The following DNAI1 variants were observed in gnomAD, a reference collection of about 807,000 sequenced individuals.
DNAI1 encodes the protein dynein, axonemal, intermediate polypeptide 1.
DNAI1 carries 67 observed loss-of-function variants against 92.0 expected under a neutral mutation model. The ratio of observed to expected loss-of-function variants is 0.73; its 90% CI spans 0.60 to 0.89. The LOEUF (loss-of-function observed/expected upper bound fraction) is 0.89. Among genes scored for constraint, DNAI1 ranks in the 40% least tolerant of loss-of-function variants. DNAI1 has a pLI of 0.00. For synonymous variants in DNAI1, 323 were observed against 319.6 expected (o/e 1.01, Z -0.11); for missense variants, 839 against 866.6 (o/e 0.97, Z 0.40).
At chr9:34,484,846 T>C (rs748263162) in intron 2 of DNAI1, among the ~76,000 whole-genome samples, 7 of 152,322 alleles carry the variant, frequency 4.6e-5, no homozygotes, top group South Asian at 2.1e-4. Context: ...CAGAAGGCAG[T>C]AGGGAGGAAC....
chr9:34,504,749 C>T (rs1824892766), intron 12 of DNAI1, among the ~76,000 whole-genome samples: 1 of 152,232 alleles, frequency 6.6e-6, no homozygotes, highest in Non-Finnish European at 1.5e-5. Context: ...GGCCTCTGGG[C>T]CATGCTTGAG....
At chr9:34,512,298 C>T (rs779479918) in intron 14 of DNAI1, 39 bp from the exon 15 acceptor site, 48 of 1,612,062 alleles carry the variant, frequency 3.0e-5, no homozygotes, top group Middle Eastern at 3.3e-4. Flanking sequence ...GCCCAACCCA[C>T]GTGCCCTCCC....
At position 34,514,462 on chromosome 9, in the gene DNAI1, G is replaced by T. The variant is rs1825132822; in HGVS notation, c.1638G>T (p.Val546=). 1 of 1,614,202 alleles carries T rather than the reference G, an allele frequency of 6.2e-7. No individual in the cohort carries two copies. Among genetic ancestry groups the T allele is most frequent in the South Asian group, 1.1e-5 (1 of 91,086 alleles). The change falls in exon 17 of 20, where the codon GTG becomes GTT. Residue 546 remains valine (V), a synonymous_variant. Transcript: ENST00000242317. ...YDAHNMSVDT[V]SWNPYHTKVF... ...CCCACAACATGTCAGTGGACACTGT[G>T]TCCTGGAACCCATACCACACCAAGG...
intron 1 of DNAI1, 133 bp downstream of exon 1, chr9:34,459,186 T>A: frequency 1.2e-6 from 1 of 858,590 alleles, no homozygotes; most frequent in Non-Finnish European, 1.9e-6. Flanking sequence ...TGACCTCTGG[T>A]AAGTGCTCCC....
chr9:34,520,207 C>G (rs1267902006), intron 19 of DNAI1, among the ~76,000 whole-genome samples: 3 of 152,178 alleles, frequency 2.0e-5, no homozygotes, highest in African/African-American at 7.2e-5. Context: ...GTCCGGGCCC[C>G]TGAGGCTCTG....
intron 1 of DNAI1, among the ~76,000 whole-genome samples, chr9:34,480,066 A>G (rs1005323959): frequency 6.6e-6 from 1 of 152,174 alleles, no homozygotes; most frequent in Non-Finnish European, 1.5e-5. Context: ...AGCTGGAAGC[A>G]GGGGTTCCTT....
At chr9:34,497,403 G>A (rs1824748531) in intron 10 of DNAI1, among the ~76,000 whole-genome samples, 1 of 152,220 alleles carries the variant, frequency 6.6e-6, no homozygotes, top group South Asian at 2.1e-4. Flanking sequence ...TGTGTATACT[G>A]ATGAGATCTG....
intron 8 of DNAI1, 90 bp from the exon 9 acceptor site, chr9:34,493,104 G>C: frequency 6.3e-7 from 1 of 1,579,434 alleles, no homozygotes; most frequent in African/African-American, 1.3e-5. Context: ...GGGTTAACAT[G>C]ACCAATTCCT....
intron 13 of DNAI1, among the ~76,000 whole-genome samples, chr9:34,507,820 A>G (rs543746148): frequency 1.3e-4 from 20 of 151,936 alleles, no homozygotes; most frequent in South Asian, 8.3e-4. Flanking sequence ...TCTCTGTAGC[A>G]CCCCCTCTTC....
At chr9:34,489,289 G>C in intron 4 of DNAI1, 34 bp from the exon 5 acceptor site, 1 of 1,613,120 alleles carries the variant, frequency 6.2e-7, no homozygotes, top group Non-Finnish European at 8.5e-7. Flanking sequence ...CTCTTTTAGG[G>C]ATCCCTGGTC....
At position 34,493,233 on chromosome 9, in the gene DNAI1, C is replaced by G; in HGVS notation, c.721C>G (p.Gln241Glu). Residue 241 changes from glutamine (Q) to glutamate (E), a missense_variant, in exon 9 of 20, where the codon CAG becomes GAG. Physicochemically the swap from Gln to Glu is conservative, Grantham distance 29. Transcript: ENST00000242317. ...YDAYVEELEK[Q>E]EKTKEKEKAK... ...TGCCTATGTAGAGGAACTTGAGAAG[C>G]AGGAAAAGACCAAAGAGAAGGAGAA... The G allele has an allele frequency of 6.2e-7, 1 of 1,614,122 alleles. No individual in the cohort carries two copies. The highest frequency in any genetic ancestry group is 8.5e-7 in the Non-Finnish European group (1 of 1,180,032).
rs759795923 is a variant in DNAI1 at position 34,512,201 on chromosome 9, G to A, written c.1401+3G>A. The A allele has an allele frequency of 2.0e-5, 33 of 1,613,974 alleles. No individual in the cohort carries two copies. Among genetic ancestry groups the A allele is most frequent in the Middle Eastern group, 1.6e-4 (1 of 6,084 alleles). On this transcript the variant is annotated splice_donor_region_variant and intron_variant, in intron 14 of 19. Transcript: ENST00000242317. ...TTGTGTCTTGGACTCTCGTGAAGGT[G>A]CCTATTTCCCAGAGAGGGTCACACT... is the stretch of plus-strand genomic sequence containing the variant.
chr9:34,492,569 G>A (rs542897198), intron 8 of DNAI1, among the ~76,000 whole-genome samples: 1 of 134,816 alleles, frequency 7.4e-6, no homozygotes, highest in African/African-American at 2.8e-5. Context: ...ACCCAGGCTG[G>A]AGTGCAGTGG....
chr9:34,461,741 G>T (rs937075321), intron 1 of DNAI1, among the ~76,000 whole-genome samples: 4 of 152,212 alleles, frequency 2.6e-5, no homozygotes, highest in African/African-American at 9.7e-5. Flanking sequence ...GTGAGAAAAG[G>T]TTAGGTTGTG....
chr9:34,512,707 CCT>C (rs148324629), intron 15 of DNAI1, among the ~76,000 whole-genome samples: 70 of 152,348 alleles, frequency 4.6e-4, no homozygotes, highest in South Asian at 3.1e-3. Context: ...AGATCAGGCC[CCT>C]GTTTACCCAG....
intron 4 of DNAI1, 97 bp downstream of exon 4, chr9:34,485,614 A>G (rs1824454976): frequency 8.4e-7 from 1 of 1,192,852 alleles, no homozygotes; most frequent in Non-Finnish European, 1.2e-6. Context: ...ATTCTAGAGG[A>G]GAGCACTTTT....
chr9:34,462,916 C>T (rs1042532266), intron 1 of DNAI1, among the ~76,000 whole-genome samples: 2 of 152,184 alleles, frequency 1.3e-5, no homozygotes, highest in African/African-American at 2.4e-5. Context: ...ACAAAAATCC[C>T]TGCTCTCATG....
At chr9:34,467,346 C>T (rs965308818) in intron 1 of DNAI1, among the ~76,000 whole-genome samples, 1 of 151,960 alleles carries the variant, frequency 6.6e-6, no homozygotes, top group Non-Finnish European at 1.5e-5. Flanking sequence ...GGCTGTAATC[C>T]TAGCACTTTG....
intron 16 of DNAI1, 71 bp downstream of exon 16, chr9:34,513,262 A>C: frequency 3.8e-5 from 44 of 1,171,570 alleles, no homozygotes; most frequent in Non-Finnish European, 5.2e-5. Context: ...TAGAGTTCTC[A>C]ACAGATCCTA....
Sources: allele counts gnomAD v4.1 joint callset (sites outside exome capture counted in the v4.1 genomes callset), GRCh38; gene constraint gnomAD v4.1.1; transcripts MANE v1.5; gene names NCBI Gene and HGNC (gene_info 2026-07-23, HGNC 2026-07-21).